The following CAMKMT variants were observed in gnomAD, a reference collection of about 807,000 sequenced individuals.
CAMKMT encodes the protein CaM KMT.
In CAMKMT, 53 loss-of-function variants were observed where a neutral mutation model predicts 48.0. The ratio of observed to expected loss-of-function variants is 1.10; its 90% CI spans 0.89 to 1.39. The LOEUF is 1.39. CAMKMT is among the 40% of genes most tolerant of loss of function. The probability of loss-of-function intolerance (pLI) is 0.00; values close to 1 mark genes in which losing one functional copy is unlikely to be tolerated. For missense variants in CAMKMT, 428 were observed against 402.7 expected (o/e 1.06, Z -0.54); for synonymous variants, 165 against 152.3 (o/e 1.08, Z -0.61).
intron 3 of CAMKMT, among the ~76,000 whole-genome samples, chr2:44,564,860 C>A (rs1668527006): frequency 6.6e-6 from 1 of 152,154 alleles, no homozygotes; most frequent in African/African-American, 2.4e-5. Context: ...ACACTTTAAA[C>A]CTTGGTTGGA....
At chr2:44,527,031 C>G (rs79304574) in intron 3 of CAMKMT, among the ~76,000 whole-genome samples, 13,154 of 150,434 alleles carry the variant, frequency 0.087, 682 homozygotes, top group Admixed American at 0.16. Context: ...ACCCTATACC[C>G]ATTAGCAGTC....
At chr2:44,452,930 G>A (rs1422668337) in intron 3 of CAMKMT, among the ~76,000 whole-genome samples, 1 of 151,978 alleles carries the variant, frequency 6.6e-6, no homozygotes, top group African/African-American at 2.4e-5. Context: ...GGTTTTATGT[G>A]TCTTTTTATA....
chr2:44,515,135 A>G (rs1247223570), intron 3 of CAMKMT, among the ~76,000 whole-genome samples: 1 of 152,240 alleles, frequency 6.6e-6, no homozygotes, highest in Non-Finnish European at 1.5e-5. Flanking sequence ...TTTTAGGATT[A>G]ACATCACAAT....
intron 3 of CAMKMT, among the ~76,000 whole-genome samples, chr2:44,518,809 A>G (rs1041149085): frequency 6.6e-6 from 1 of 152,210 alleles, no homozygotes. Context: ...GTGAGTGCAT[A>G]TTCATGACAC....
chr2:44,670,607 A>G (rs1470353896), intron 3 of CAMKMT, among the ~76,000 whole-genome samples: 5 of 152,310 alleles, frequency 3.3e-5, no homozygotes, highest in Admixed American at 6.5e-5. Flanking sequence ...AGCTATGATC[A>G]TGCTACGATA....
At chr2:44,683,355 A>G (rs765656655) in intron 3 of CAMKMT, among the ~76,000 whole-genome samples, 1 of 152,202 alleles carries the variant, frequency 6.6e-6, no homozygotes, top group Non-Finnish European at 1.5e-5. Context: ...TGTCTTTCCC[A>G]CACTATAGTT....
chr2:44,499,702 C>T (rs978417762), intron 3 of CAMKMT, among the ~76,000 whole-genome samples: 1 of 152,144 alleles, frequency 6.6e-6, no homozygotes, highest in African/African-American at 2.4e-5. Flanking sequence ...CCAGATCTTC[C>T]AGTTGAGTGA....
At chr2:44,583,064 A>G (rs981179981) in intron 3 of CAMKMT, among the ~76,000 whole-genome samples, 2 of 152,152 alleles carry the variant, frequency 1.3e-5, no homozygotes, top group African/African-American at 4.8e-5. Flanking sequence ...CATAATAGTC[A>G]TTATTTGGGT....
chr2:44,468,321 C>T (rs932478174), intron 3 of CAMKMT, among the ~76,000 whole-genome samples: 30 of 152,224 alleles, frequency 2.0e-4, no homozygotes, highest in African/African-American at 7.0e-4. Flanking sequence ...ACTCCAGGTA[C>T]AATGGCTGTC....
At chr2:44,493,017 C>A (rs148136677) in intron 3 of CAMKMT, among the ~76,000 whole-genome samples, 10,321 of 151,892 alleles carry the variant, frequency 0.068, 482 homozygotes, top group Non-Finnish European at 0.1. Context: ...CCTCAGCCTC[C>A]TGAGTAGCTG....
intron 3 of CAMKMT, among the ~76,000 whole-genome samples, chr2:44,600,989 G>C (rs1670952580): frequency 6.6e-6 from 1 of 151,908 alleles, no homozygotes; most frequent in South Asian, 2.1e-4. Flanking sequence ...TAATTACCAG[G>C]TTTCTGTCAT....
At chr2:44,474,014 G>C (rs7573884) in intron 3 of CAMKMT, among the ~76,000 whole-genome samples, 9,419 of 152,222 alleles carry the variant, frequency 0.062, 351 homozygotes, top group South Asian at 0.13. Flanking sequence ...TTGGCTATTT[G>C]CAGCACAAGG....
chr2:44,529,662 G>A (rs146631462), intron 3 of CAMKMT, among the ~76,000 whole-genome samples: 2 of 152,274 alleles, frequency 1.3e-5, no homozygotes, highest in Non-Finnish European at 2.9e-5. Context: ...ACATTCTTCA[G>A]CTCTGACCAC....
chr2:44,411,533 G>A (rs1035456149), intron 3 of CAMKMT, among the ~76,000 whole-genome samples: 1 of 152,278 alleles, frequency 6.6e-6, no homozygotes, highest in Middle Eastern at 3.4e-3. Context: ...TTCTCAGAGA[G>A]ATTTTAATAG....
At chr2:44,711,445 T>G (rs1313558917) in intron 6 of CAMKMT, among the ~76,000 whole-genome samples, 4 of 152,204 alleles carry the variant, frequency 2.6e-5, no homozygotes, top group Admixed American at 1.3e-4. Flanking sequence ...ATTTAAATTC[T>G]ACAGTATAAA....
chr2:44,710,356 A>G (rs766007470), intron 6 of CAMKMT, among the ~76,000 whole-genome samples: 11 of 152,162 alleles, frequency 7.2e-5, no homozygotes, highest in Non-Finnish European at 1.6e-4. Context: ...GATGTCTGGA[A>G]AGATATTAAG....
chr2:44,673,075 T>C (rs183666353), intron 3 of CAMKMT, among the ~76,000 whole-genome samples: 1 of 152,222 alleles, frequency 6.6e-6, no homozygotes, highest in African/African-American at 2.4e-5. Flanking sequence ...ATGATTTTGT[T>C]TGATTTTTTT....
At chr2:44,768,361 A>ATATATATATATATATT (rs35058824) in intron 10 of CAMKMT, among the ~76,000 whole-genome samples, 28 of 115,742 alleles carry the variant, frequency 2.4e-4, no homozygotes, top group African/African-American at 1.0e-3. Context: ...ATATATATAT[A>ATATATATATATATATT]TTTTTTTTTT....
At chr2:44,750,142 A>T (rs1432466625) in intron 8 of CAMKMT, among the ~76,000 whole-genome samples, 5 of 150,856 alleles carry the variant, frequency 3.3e-5, no homozygotes, top group African/African-American at 9.7e-5. Context: ...TTTTGCTGTC[A>T]CTGCTTTTTT....
Sources: gnomAD v4.1 joint callset for allele counts (sites outside exome capture counted in the v4.1 genomes callset) on GRCh38, gnomAD v4.1.1 for gene constraint, MANE v1.5 for transcripts, NCBI Gene and HGNC (gene_info 2026-07-23, HGNC 2026-07-21) for gene names.